The following UTS2B variants were observed in gnomAD, a reference collection of about 807,000 sequenced individuals.
The protein encoded by UTS2B is urotensin-2B.
UTS2B carries 21 observed loss-of-function variants against 19.2 expected under a neutral mutation model. The observed-to-expected ratio is 1.09, with a 90% CI of 0.78 to 1.58. The LOEUF (loss-of-function observed/expected upper bound fraction) is 1.58. Among genes scored for constraint, UTS2B ranks in the 40% most tolerant of loss-of-function variants. The probability of loss-of-function intolerance (pLI) is 0.00; values close to 1 mark genes in which losing one functional copy is unlikely to be tolerated. For missense variants in UTS2B, 138 were observed against 130.3 expected, an observed-to-expected ratio of 1.06 and a Z score of -0.29; for synonymous variants, 57 against 50.2, an observed-to-expected ratio of 1.14 and a Z score of -0.58.
intron 3 of UTS2B, among the ~76,000 whole-genome samples, chr3:191,312,003 T>A (rs1717314799): frequency 6.8e-6 from 1 of 146,068 alleles, no homozygotes; most frequent in African/African-American, 2.5e-5. Flanking sequence ...AGAAAAAAAA[T>A]TAGCCAGGTG....
intron 3 of UTS2B, among the ~76,000 whole-genome samples, chr3:191,306,403 A>G (rs1460250114): frequency 6.6e-6 from 1 of 152,232 alleles, no homozygotes; most frequent in Non-Finnish European, 1.5e-5. Context: ...ACCACATTTT[A>G]TAATTTTCAA....
intron 1 of UTS2B, chr3:191,329,773 G>C (rs1717886922): frequency 1.3e-6 from 2 of 1,581,304 alleles, no homozygotes; most frequent in African/African-American, 1.3e-5. Context: ...CTCCCAGCCC[G>C]AGGTTCTCTC....
chr3:191,290,346 A>G (rs1400141313), intron 4 of UTS2B, among the ~76,000 whole-genome samples: 1 of 152,234 alleles, frequency 6.6e-6, no homozygotes, highest in Non-Finnish European at 1.5e-5. Context: ...GTATATAGCA[A>G]TATTATTGTT....
At chr3:191,345,287 G>T in the UTS2B span, among the ~76,000 whole-genome samples, 1 of 152,198 alleles carries the variant, frequency 6.6e-6, no homozygotes, top group Non-Finnish European at 1.5e-5. Context: ...CTTTAACACA[G>T]GAAGCTTATG....
chr3:191,272,902 T>A (rs1481014218), intron 8 of UTS2B, among the ~76,000 whole-genome samples: 2 of 147,262 alleles, frequency 1.4e-5, no homozygotes, highest in African/African-American at 5.0e-5. Flanking sequence ...CAGTGCCTCA[T>A]GTCTGTAATC....
chr3:191,333,323 T>C (rs1718048501), upstream of UTS2B, among the ~76,000 whole-genome samples: 1 of 152,184 alleles, frequency 6.6e-6, no homozygotes, highest in Non-Finnish European at 1.5e-5. Context: ...AGTGGCATAA[T>C]GTGTTAAATT....
chr3:191,312,353 T>G (rs1192866923), intron 3 of UTS2B, among the ~76,000 whole-genome samples: 5 of 152,122 alleles, frequency 3.3e-5, no homozygotes, highest in Admixed American at 3.3e-4. Flanking sequence ...ATATTGCAGG[T>G]CATCTGCTTT....
At chr3:191,314,289 C>G (rs1437958647) in intron 3 of UTS2B, among the ~76,000 whole-genome samples, 1 of 152,156 alleles carries the variant, frequency 6.6e-6, no homozygotes, top group Non-Finnish European at 1.5e-5. Context: ...TTGGGAGCCC[C>G]TGTGTGCAGC....
intron 3 of UTS2B, among the ~76,000 whole-genome samples, chr3:191,312,349 C>CA (rs1259346325): frequency 2.6e-5 from 4 of 152,126 alleles, no homozygotes; most frequent in Non-Finnish European, 5.9e-5. Context: ...AGTCATATTG[C>CA]AGGTCATCTG....
chr3:191,284,606 G>A (rs556962705), intron 4 of UTS2B, among the ~76,000 whole-genome samples: 76 of 151,110 alleles, frequency 5.0e-4, no homozygotes, highest in Non-Finnish European at 9.9e-4. Flanking sequence ...ACAGGTGTGA[G>A]CCACTGCACC....
At chr3:191,301,741 G>A (rs952573893) in intron 4 of UTS2B, among the ~76,000 whole-genome samples, 3 of 151,352 alleles carry the variant, frequency 2.0e-5, no homozygotes, top group East Asian at 1.9e-4. Flanking sequence ...CGCCCGCCTC[G>A]GCCTCCCAAA....
At chr3:191,304,921 C>T (rs1347701443) in intron 3 of UTS2B, among the ~76,000 whole-genome samples, 1 of 152,040 alleles carries the variant, frequency 6.6e-6, no homozygotes, top group Non-Finnish European at 1.5e-5. Flanking sequence ...GAGAACATAC[C>T]ATATTTGGTT....
chr3:191,295,520 A>G (rs1204132911), intron 4 of UTS2B, among the ~76,000 whole-genome samples: 1 of 151,842 alleles, frequency 6.6e-6, no homozygotes, highest in Non-Finnish European at 1.5e-5. Flanking sequence ...ATGCTTTGAT[A>G]TATTCCTAGT....
intron 8 of UTS2B, among the ~76,000 whole-genome samples, chr3:191,269,199 A>C (rs1716021415): frequency 1.3e-5 from 2 of 152,210 alleles, no homozygotes; most frequent in African/African-American, 2.4e-5. Flanking sequence ...CCTTTGATTC[A>C]TTGTTGATCA....
chr3:191,273,248 G>C (rs971082323), intron 8 of UTS2B: 15 of 311,582 alleles, frequency 4.8e-5, no homozygotes, highest in African/African-American at 2.8e-4. Context: ...GCTGCATGCA[G>C]TCACTAGAAG....
chr3:191,314,663 A>G (rs1717399050), intron 3 of UTS2B, among the ~76,000 whole-genome samples: 1 of 152,220 alleles, frequency 6.6e-6, no homozygotes, highest in South Asian at 2.1e-4. Context: ...GAAAAAAACA[A>G]GTCATGGTTA....
At chr3:191,319,799 C>T (rs1277767012) in intron 2 of UTS2B, among the ~76,000 whole-genome samples, 3 of 147,324 alleles carry the variant, frequency 2.0e-5, no homozygotes, top group African/African-American at 5.0e-5. Context: ...ACCTGGGAGG[C>T]GGAGGTTGCA....
chr3:191,278,547 G>A (rs1245441889), intron 5 of UTS2B, among the ~76,000 whole-genome samples: 2 of 151,800 alleles, frequency 1.3e-5, no homozygotes, highest in African/African-American at 4.8e-5. Context: ...TAAAAATATA[G>A]CATTCTATTT....
chr3:191,274,966 G>C (rs938693906), intron 8 of UTS2B, among the ~76,000 whole-genome samples: 2 of 152,182 alleles, frequency 1.3e-5, no homozygotes, highest in South Asian at 2.1e-4. Context: ...GGTCTTTGCT[G>C]CTTCAGTGTT....
Sources: gnomAD v4.1 joint callset for allele counts (sites outside exome capture counted in the v4.1 genomes callset) on GRCh38, gnomAD v4.1.1 for gene constraint, MANE v1.5 for transcripts, NCBI Gene and HGNC (gene_info 2026-07-23, HGNC 2026-07-21) for gene names.